Variants in NRG3 observed in about 807,000 individuals in gnomAD.
NRG3 encodes neuregulin 3, also known as pro-neuregulin-3, membrane-bound isoform.
In NRG3, 31 loss-of-function variants were observed where a neutral mutation model predicts 66.9. The ratio of observed to expected loss-of-function variants is 0.46; its 90% CI spans 0.35 to 0.63. The LOEUF (loss-of-function observed/expected upper bound fraction) is 0.63. NRG3 is among the 20% of genes least tolerant of loss of function. The probability of loss-of-function intolerance (pLI) is 0.00; values close to 1 mark genes in which losing one functional copy is unlikely to be tolerated. For synonymous variants in NRG3, 393 were observed against 359.4 expected (o/e 1.09, Z -1.06); for missense variants, 910 against 878.9 (o/e 1.04, Z -0.45).
intron 6 of NRG3, among the ~76,000 whole-genome samples, chr10:82,964,167 G>T (rs1564672585): frequency 6.6e-6 from 1 of 152,122 alleles, no homozygotes; most frequent in Admixed American, 6.6e-5. Context: ...TAAGGAACAG[G>T]CATGTGATGA....
At chr10:82,458,044 G>A (rs2091352235) in intron 2 of NRG3, among the ~76,000 whole-genome samples, 1 of 152,186 alleles carries the variant, frequency 6.6e-6, no homozygotes, top group African/African-American at 2.4e-5. Flanking sequence ...GGGTGTGCTG[G>A]AAGACAGGGC....
intron 4 of NRG3, among the ~76,000 whole-genome samples, chr10:82,905,959 G>T (rs1483933754): frequency 1.3e-5 from 2 of 152,094 alleles, no homozygotes; most frequent in African/African-American, 4.8e-5. Flanking sequence ...GGCTAGCTTA[G>T]CTGTGGCCAT....
At chr10:81,900,758 T>C (rs1365391538) in intron 1 of NRG3, among the ~76,000 whole-genome samples, 1 of 152,236 alleles carries the variant, frequency 6.6e-6, no homozygotes, top group Non-Finnish European at 1.5e-5. Context: ...GTTTCTTAGA[T>C]AATTGGAGAA....
intron 1 of NRG3, among the ~76,000 whole-genome samples, chr10:82,061,486 A>C (rs1201511647): frequency 1.3e-5 from 2 of 152,070 alleles, no homozygotes; most frequent in East Asian, 1.9e-4. Flanking sequence ...AACTCTCCCC[A>C]AGGTTTTTAC....
intron 2 of NRG3, among the ~76,000 whole-genome samples, chr10:82,549,975 G>C (rs2044194444): frequency 1.3e-5 from 2 of 152,094 alleles, no homozygotes; most frequent in South Asian, 4.1e-4. Flanking sequence ...AGAGAAGGGG[G>C]TTGGTAAAAA....
chr10:82,519,752 G>C (rs879813423), intron 2 of NRG3, among the ~76,000 whole-genome samples: 1 of 152,170 alleles, frequency 6.6e-6, no homozygotes, highest in African/African-American at 2.4e-5. Flanking sequence ...TCTTGGGCAT[G>C]CTGGAGTGTC....
At chr10:82,683,461 A>G (rs539339615) in intron 2 of NRG3, among the ~76,000 whole-genome samples, 1 of 152,186 alleles carries the variant, frequency 6.6e-6, no homozygotes, top group Non-Finnish European at 1.5e-5. Context: ...CCTAACAAAC[A>G]TATAATATTC....
intron 2 of NRG3, among the ~76,000 whole-genome samples, chr10:82,570,183 C>G (rs1056736698): frequency 1.3e-5 from 2 of 151,492 alleles, no homozygotes; most frequent in Non-Finnish European, 3.0e-5. Context: ...TGAATCTTTT[C>G]AAAATGTAAA....
chr10:82,336,529 C>CTT (rs11345974), intron 1 of NRG3, among the ~76,000 whole-genome samples: 4 of 137,814 alleles, frequency 2.9e-5, no homozygotes, highest in Admixed American at 7.3e-5. Context: ...CTTTTCTTTT[C>CTT]TTTTTTTTTT....
At chr10:82,618,074 T>G (rs2048783352) in intron 2 of NRG3, among the ~76,000 whole-genome samples, 1 of 152,182 alleles carries the variant, frequency 6.6e-6, no homozygotes, top group Admixed American at 6.5e-5. Context: ...TTTAGACAGA[T>G]TTCCTCCAAA....
At chr10:82,344,616 C>T (rs1273061925) in intron 1 of NRG3, among the ~76,000 whole-genome samples, 1 of 139,714 alleles carries the variant, frequency 7.2e-6, no homozygotes, top group Non-Finnish European at 1.5e-5. Flanking sequence ...ATTTCCAGTT[C>T]TAGATCCCTG....
At chr10:82,343,366 A>G (rs1380521060) in intron 1 of NRG3, among the ~76,000 whole-genome samples, 1 of 152,154 alleles carries the variant, frequency 6.6e-6, no homozygotes, top group Non-Finnish European at 1.5e-5. Flanking sequence ...AGATCTCTAC[A>G]AGCAAAACTA....
chr10:82,791,218 A>G (rs2060573758), intron 3 of NRG3, among the ~76,000 whole-genome samples: 1 of 151,656 alleles, frequency 6.6e-6, no homozygotes, highest in African/African-American at 2.4e-5. Flanking sequence ...GAACAATTTA[A>G]GTAACGTAAT....
intron 1 of NRG3, among the ~76,000 whole-genome samples, chr10:81,891,132 G>A (rs903604855): frequency 1.2e-4 from 19 of 152,172 alleles, no homozygotes; most frequent in African/African-American, 4.3e-4. Flanking sequence ...ACGTGCAATT[G>A]GATGAACCTC....
intron 1 of NRG3, among the ~76,000 whole-genome samples, chr10:82,150,032 G>A (rs560901910): frequency 6.6e-6 from 1 of 152,056 alleles, no homozygotes; most frequent in Non-Finnish European, 1.5e-5. Flanking sequence ...TGATTTTCAG[G>A]GGGGAGTGCA....
At chr10:82,125,745 T>C (rs1456858837) in intron 1 of NRG3, among the ~76,000 whole-genome samples, 1 of 151,960 alleles carries the variant, frequency 6.6e-6, no homozygotes, top group African/African-American at 2.4e-5. Flanking sequence ...TCCAGGTGGT[T>C]CCCCTTCCAA....
intron 1 of NRG3, among the ~76,000 whole-genome samples, chr10:82,268,588 G>T (rs1160454739): frequency 6.6e-6 from 1 of 151,872 alleles, no homozygotes; most frequent in Admixed American, 6.6e-5. Context: ...CTGGATTCTG[G>T]CCGTATTATG....
chr10:82,169,169 T>C (rs2072356279), intron 1 of NRG3, among the ~76,000 whole-genome samples: 1 of 152,112 alleles, frequency 6.6e-6, no homozygotes, highest in South Asian at 2.1e-4. Flanking sequence ...CAGCTTCATA[T>C]TGGTATCTTT....
chr10:82,831,004 C>A (rs1234878006), intron 3 of NRG3, among the ~76,000 whole-genome samples: 2 of 152,214 alleles, frequency 1.3e-5, no homozygotes, highest in South Asian at 4.1e-4. Flanking sequence ...AAATTGAATG[C>A]CTTTATGTTA....
Sources: gnomAD v4.1 joint callset for allele counts (sites outside exome capture counted in the v4.1 genomes callset) on GRCh38, gnomAD v4.1.1 for gene constraint, MANE v1.5 for transcripts, NCBI Gene and HGNC (gene_info 2026-07-23, HGNC 2026-07-21) for gene names.